Variants in CAPS2 observed in about 807,000 individuals in gnomAD.
CAPS2 encodes the protein calcyphosine 2, also known as calcyphosin-2.
CAPS2 carries 98 observed loss-of-function variants against 86.5 expected under a neutral mutation model. The ratio of observed to expected loss-of-function variants is 1.13; its 90% confidence interval spans 0.96 to 1.34. CAPS2 has a LOEUF of 1.34. Ranked by LOEUF, CAPS2 falls within the 40% of genes most tolerant of loss-of-function variation. CAPS2 has a pLI of 0.00. For missense variants in CAPS2, 729 were observed against 686.8 expected, an observed-to-expected ratio of 1.06 and a Z score of -0.69; for synonymous variants, 210 against 225.1, an observed-to-expected ratio of 0.93 and a Z score of 0.60.
At chr12:75,385,905 C>A (rs1156829182) in intron 1 of CAPS2, among the ~76,000 whole-genome samples, 2 of 152,060 alleles carry the variant, frequency 1.3e-5, no homozygotes, top group African/African-American at 2.4e-5. Context: ...TTTACAAGAT[C>A]TGTATGAGGA....
chr12:75,343,739 A>C, intron 1 of CAPS2: 1 of 1,612,520 alleles, frequency 6.2e-7, no homozygotes, highest in South Asian at 1.1e-5. Context: ...TGGGCAAACC[A>C]GTGCAAATTT....
chr12:75,370,050 CTT>C (rs771237252), intron 1 of CAPS2: 187 of 1,375,170 alleles, frequency 1.4e-4, no homozygotes, highest in Non-Finnish European at 3.0e-5. Context: ...CAATTGAACT[CTT>C]AACTATTCTG....
chr12:75,390,354 C>T (rs2045520941), intron 1 of CAPS2: 1 of 456,288 alleles, frequency 2.2e-6, no homozygotes, highest in Non-Finnish European at 4.4e-6. Context: ...AAAGATGAAT[C>T]TTGATATTCC....
intron 1 of CAPS2, among the ~76,000 whole-genome samples, chr12:75,377,111 T>C (rs2044691992): frequency 6.6e-6 from 1 of 152,216 alleles, no homozygotes; most frequent in Non-Finnish European, 1.5e-5. Context: ...CATAACTCTT[T>C]AAACAGTTCA....
rs142067278 is a variant in CAPS2, at chr12:75,283,509, C to G, written c.1516-1162G>C. Among the ~76,000 whole-genome samples the G allele has an allele frequency of 2.8e-3, 425 of 152,144 alleles. 2 individuals are homozygous for G. Among genetic ancestry groups the G allele is most frequent in the African/African-American group, 9.8e-3 (407 of 41,524 alleles). On this transcript the variant is annotated intron_variant, in intron 15 of 16. Coordinates refer to ENST00000393284, the Ensembl canonical transcript of CAPS2. ...GCCCCTTATCCAATATGACTGGTGT[C>G]TCCTTATAAGAAGGCAGTAGGGCCA...
chr12:75,332,529 G>C (rs564844783), upstream of CAPS2, among the ~76,000 whole-genome samples: 1 of 151,892 alleles, frequency 6.6e-6, no homozygotes, highest in African/African-American at 2.4e-5. Context: ...AGCTTACCCA[G>C]CATTTCCTTT....
chr12:75,283,678 G>C (rs548978574), intron 15 of CAPS2, among the ~76,000 whole-genome samples: 1 of 152,076 alleles, frequency 6.6e-6, no homozygotes, highest in Non-Finnish European at 1.5e-5. Context: ...GCCAGGCATC[G>C]TGGTGCGTGC....
chr12:75,366,135 A>C (rs1218110836), intron 1 of CAPS2, among the ~76,000 whole-genome samples: 3 of 152,156 alleles, frequency 2.0e-5, no homozygotes, highest in Admixed American at 2.0e-4. Context: ...TGGGCTTATT[A>C]TTTTACTTAA....
At chr12:75,318,420 C>T (rs2039987444) in intron 5 of CAPS2, among the ~76,000 whole-genome samples, 1 of 152,126 alleles carries the variant, frequency 6.6e-6, no homozygotes, top group African/African-American at 2.4e-5. Context: ...CAGAAAAAGG[C>T]AAAGTCCTCC....
At chr12:75,351,383 A>G (rs970167267) in intron 1 of CAPS2, among the ~76,000 whole-genome samples, 1 of 152,200 alleles carries the variant, frequency 6.6e-6, no homozygotes, top group African/African-American at 2.4e-5. Flanking sequence ...ACACATAATC[A>G]TCAGATTCTC....
chr12:75,338,118 AC>A (rs1387509653), intron 1 of CAPS2, among the ~76,000 whole-genome samples: 1 of 152,154 alleles, frequency 6.6e-6, no homozygotes, highest in African/African-American at 2.4e-5. Context: ...TTATGAGTCA[AC>A]TTTTACCCTG....
At chr12:75,370,063 G>T in intron 1 of CAPS2, 1 of 1,487,264 alleles carries the variant, frequency 6.7e-7, no homozygotes. Flanking sequence ...AACTATTCTG[G>T]TTTTGTTTTT....
chr12:75,304,461 G>A (rs1013741450), intron 8 of CAPS2, among the ~76,000 whole-genome samples: 3 of 152,024 alleles, frequency 2.0e-5, no homozygotes, highest in Admixed American at 6.6e-5. Flanking sequence ...TATAGCACAC[G>A]TAAAATTTCT....
chr12:75,370,138 C>A (rs750054991), intron 1 of CAPS2: 1 of 1,603,354 alleles, frequency 6.2e-7, no homozygotes, highest in South Asian at 1.1e-5. Flanking sequence ...AGCCTTTAAT[C>A]CATTCAGCTT....
At chr12:75,387,333 C>T (rs1475905289) in intron 1 of CAPS2, among the ~76,000 whole-genome samples, 2 of 152,032 alleles carry the variant, frequency 1.3e-5, no homozygotes, top group South Asian at 2.1e-4. Flanking sequence ...ACCAGGAAAA[C>T]GCACATTAAA....
intron 1 of CAPS2, among the ~76,000 whole-genome samples, chr12:75,377,515 G>A (rs12424057): frequency 0.17 from 26,479 of 152,044 alleles, 2,541 homozygotes; most frequent in Admixed American, 0.24. Context: ...GAGAGCCCCT[G>A]GTAAACCACT....
chr12:75,325,204 A>C, intron 2 of CAPS2, 35 bp downstream of exon 3: 1 of 1,539,118 alleles, frequency 6.5e-7, no homozygotes, highest in South Asian at 1.2e-5. Flanking sequence ...ATATGTGCCC[A>C]TTAAACAGTC....
intron 1 of CAPS2, among the ~76,000 whole-genome samples, chr12:75,357,664 T>G (rs1196973549): frequency 6.6e-6 from 1 of 152,150 alleles, no homozygotes; most frequent in Non-Finnish European, 1.5e-5. Context: ...GTATGTTGTT[T>G]GATGACAGCA....
chr12:75,288,883 G>T (rs372487779), intron 14 of CAPS2, among the ~76,000 whole-genome samples: 117 of 152,004 alleles, frequency 7.7e-4, no homozygotes, highest in Middle Eastern at 3.4e-3. Flanking sequence ...AAAGTGGCAT[G>T]AAAAAAAATA....
Sources: allele counts gnomAD v4.1 joint callset (sites outside exome capture counted in the v4.1 genomes callset), GRCh38; gene constraint gnomAD v4.1.1; transcripts MANE v1.5; gene names NCBI Gene and HGNC (gene_info 2026-07-23, HGNC 2026-07-21).